ALDH7A1: variants seen among roughly 807,000 people sequenced by gnomAD.
The protein encoded by ALDH7A1 is alpha-aminoadipic semialdehyde dehydrogenase.
ALDH7A1 carries 63 observed loss-of-function variants against 79.9 expected under a neutral mutation model. The ratio of observed to expected loss-of-function variants is 0.79; its 90% CI spans 0.64 to 0.97. The LOEUF is 0.97. ALDH7A1 is among the 50% of genes least tolerant of loss of function. The pLI is 0.00. For missense variants in ALDH7A1, 627 were observed against 665.2 expected, an observed-to-expected ratio of 0.94 and a Z score of 0.63; for synonymous variants, 240 against 231.2, an observed-to-expected ratio of 1.04 and a Z score of -0.34.
At chr5:126,560,949 T>C in intron 10 of ALDH7A1, 134 bp downstream of exon 10, 1 of 964,794 alleles carries the variant, frequency 1.0e-6, no homozygotes, top group Non-Finnish European at 1.6e-6. Context: ...CCAAGTAAAA[T>C]TCCTAAACAC....
At chr5:126,576,234 G>C (rs1264591183) in intron 6 of ALDH7A1, among the ~76,000 whole-genome samples, 2 of 139,250 alleles carry the variant, frequency 1.4e-5, no homozygotes, top group Non-Finnish European at 3.0e-5. Flanking sequence ...CTGCACTCCA[G>C]CCTGGGCGAC....
chr5:126,593,428 A>G (rs762338356), intron 1 of ALDH7A1, 24 bp from the exon 2 acceptor site: 2 of 1,613,800 alleles, frequency 1.2e-6, no homozygotes, highest in African/African-American at 2.7e-5. Flanking sequence ...GATGATGATC[A>G]TGTATAGAAA....
intron 8 of ALDH7A1, 68 bp from the exon 9 acceptor site, chr5:126,568,424 C>T (rs552404506): frequency 7.7e-7 from 1 of 1,303,104 alleles, no homozygotes; most frequent in Admixed American, 1.7e-5. Flanking sequence ...TCTAATGGTA[C>T]CCAGCACTGA....
At chr5:126,568,791 G>C (rs1410304596) in intron 8 of ALDH7A1, 1 of 224,844 alleles carries the variant, frequency 4.4e-6, no homozygotes, top group African/African-American at 2.3e-5. Flanking sequence ...AATTAGCCAG[G>C]TGTGGAGGCA....
Position 126,577,154 on chromosome 5 carries a change from G to A in ALDH7A1, c.575C>T (p.Thr192Met), listed in dbSNP as rs376917645. 11 of 1,614,040 alleles carry A rather than the reference G, an allele frequency of 6.8e-6. No homozygotes were observed. The highest frequency in any genetic ancestry group is 4.0e-5 in the African/African-American group (3 of 74,900). The change falls in exon 6 of 18, where the codon ACG becomes ATG. Residue 192 changes from threonine (T) to methionine (M), a missense_variant. Thr to Met is a moderately conservative substitution (Grantham distance 81, BLOSUM62 -1). Coordinates refer to ENST00000409134, the MANE Select transcript of ALDH7A1 (RefSeq NM_001182.5). ...WNPVGLVGII[T>M]AFNFPVAVYG... ...CACTGCCACAGGGAAATTGAATGCC[G>A]TGATGATTCCAACCAGGCCTACGGG...
In ALDH7A1 at chr5:126,546,416, T is replaced by A. The variant is rs767848904; in HGVS notation, c.1490-17A>T. On this transcript the variant is annotated splice_polypyrimidine_tract_variant and intron_variant, in intron 16 of 17. Transcript: ENST00000409134. Reference sequence around the variant, plus strand: ...TTTCTCCTCCTAGAGAAATAAAAAATAATATCATATCTTCTGAGCAGTTTC... The same window carrying A: ...TTTCTCCTCCTAGAGAAATAAAAAAAAATATCATATCTTCTGAGCAGTTTC... The A allele has an allele frequency of 3.1e-6, 5 of 1,611,894 alleles. No individual in the cohort carries two copies.
intron 14 of ALDH7A1, 29 bp downstream of exon 14, chr5:126,551,992 T>C (rs1750014607): frequency 6.6e-7 from 1 of 1,505,630 alleles, no homozygotes; most frequent in African/African-American, 1.4e-5. Context: ...TATTTCAACA[T>C]CAGGCTAGCG....
Position 126,582,847 on chromosome 5 carries a change from T to G in ALDH7A1, c.517+4A>C, listed in dbSNP as rs370875826. ...AACTCAGCTTAACTAATTTCATTGC[T>G]TACTTTCAGAAGGCAAGATAGGTCC... On this transcript the variant is annotated splice_donor_region_variant and intron_variant, in intron 5 of 17. Transcript: ENST00000409134. The G allele has an allele frequency of 3.1e-6, 5 of 1,612,058 alleles. No individual in the cohort carries two copies. Among genetic ancestry groups the G allele is most frequent in the Non-Finnish European group, 4.2e-6 (5 of 1,179,938 alleles).
chr5:126,561,018 T>C (rs1750383995), intron 10 of ALDH7A1, 65 bp downstream of exon 10: 1 of 1,552,438 alleles, frequency 6.4e-7, no homozygotes, highest in Non-Finnish European at 8.9e-7. Flanking sequence ...ACAAGTTCCA[T>C]ATATTCAGGA....
chr5:126,576,544 A>G (rs952983358), intron 6 of ALDH7A1, among the ~76,000 whole-genome samples: 1 of 152,200 alleles, frequency 6.6e-6, no homozygotes, highest in East Asian at 1.9e-4. Flanking sequence ...TAACATTTTT[A>G]CTATCAGATA....
At chr5:126,549,678 C>T in intron 16 of ALDH7A1, 1 of 419,716 alleles carries the variant, frequency 2.4e-6, no homozygotes, top group South Asian at 4.9e-5. Flanking sequence ...CAAATGCCAC[C>T]ATTTCAGGGG....
At chr5:126,582,792 T>A in intron 5 of ALDH7A1, 59 bp downstream of exon 5, 2 of 1,602,420 alleles carry the variant, frequency 1.2e-6, no homozygotes, top group South Asian at 2.2e-5. Flanking sequence ...GTATTTTATT[T>A]TTTTTGGAGC....
chr5:126,577,071 G>A lies in ALDH7A1; in HGVS notation c.650+8C>T, dbSNP rs928074876. Reference sequence around the variant, plus strand: ...TCACTACTAAATAGGAAAGTGAGCAGGTCTTACCAGAGGCAGACATTTCCA... The same window carrying A: ...TCACTACTAAATAGGAAAGTGAGCAAGTCTTACCAGAGGCAGACATTTCCA... On this transcript the variant is annotated splice_region_variant and intron_variant, in intron 6 of 17. Coordinates refer to ENST00000409134, the MANE Select transcript of ALDH7A1 (RefSeq NM_001182.5). The A allele has an allele frequency of 1.2e-6, 2 of 1,613,668 alleles. No individual in the cohort carries two copies. Among genetic ancestry groups the A allele is most frequent in the Non-Finnish European group, 1.7e-6 (2 of 1,180,042 alleles).
intron 5 of ALDH7A1, chr5:126,582,234 G>A (rs372704260): frequency 2.0e-5 from 8 of 397,720 alleles, no homozygotes; most frequent in African/African-American, 1.6e-4. Flanking sequence ...GGGGGTAGGA[G>A]GGAAACTTTT....
chr5:126,578,412 G>A (rs1271801763), intron 5 of ALDH7A1, among the ~76,000 whole-genome samples: 1 of 152,018 alleles, frequency 6.6e-6, no homozygotes, highest in Non-Finnish European at 1.5e-5. Flanking sequence ...TGGGATGCTG[G>A]GACGGGAGAA....
At chr5:126,574,023 C>CAAAAAAAAAAAAAAA (rs34601459) in intron 7 of ALDH7A1, among the ~76,000 whole-genome samples, 1 of 57,244 alleles carries the variant, frequency 1.7e-5, no homozygotes, top group Non-Finnish European at 3.4e-5. Context: ...AAGACTGTCT[C>CAAAAAAAAAAAAAAA]AAAAAAAAAA....
chr5:126,578,638 C>CA (rs70994880), intron 5 of ALDH7A1, among the ~76,000 whole-genome samples: 19,174 of 90,116 alleles, frequency 0.21, 2,624 homozygotes, highest in African/African-American at 0.42. Context: ...GACCCTGTAT[C>CA]AAAAAAAAAA....
intron 11 of ALDH7A1, among the ~76,000 whole-genome samples, chr5:126,557,347 G>A (rs1308879730): frequency 6.6e-6 from 1 of 152,196 alleles, no homozygotes; most frequent in Non-Finnish European, 1.5e-5. Context: ...AGCACTTTGG[G>A]AGGCCAAGGC....
intron 5 of ALDH7A1, chr5:126,582,021 T>C: frequency 2.5e-6 from 1 of 397,332 alleles, no homozygotes; most frequent in Non-Finnish European, 4.4e-6. Flanking sequence ...TGGCTGTACG[T>C]GCTCTAAAAA....
Sources: allele counts gnomAD v4.1 joint callset (sites outside exome capture counted in the v4.1 genomes callset), GRCh38; gene constraint gnomAD v4.1.1; transcripts MANE v1.5; gene names NCBI Gene and HGNC (gene_info 2026-07-23, HGNC 2026-07-21).